The following CNBD1 variants were observed in gnomAD, a reference collection of about 807,000 sequenced individuals.
CNBD1 encodes cyclic nucleotide-binding domain-containing protein 1.
Under a neutral mutation model 54.4 loss-of-function variants are expected in CNBD1, and 71 were observed. The observed-to-expected ratio is 1.30, with a 90% confidence interval of 1.08 to 1.59. The LOEUF (loss-of-function observed/expected upper bound fraction) is 1.59, where lower values mean the gene tolerates loss of function less well. CNBD1 is among the 40% of genes most tolerant of loss of function. CNBD1 has a pLI of 0.00. For missense variants in CNBD1, 659 were observed against 518.0 expected (o/e 1.27, Z -2.64); for synonymous variants, 182 against 170.7 (o/e 1.07, Z -0.51).
intron 4 of CNBD1, among the ~76,000 whole-genome samples, chr8:87,145,664 C>T (rs188427192): frequency 1.3e-5 from 2 of 152,142 alleles, no homozygotes; most frequent in East Asian, 3.9e-4. Context: ...AATCCTTTTA[C>T]TATTTGTGAG....
At chr8:86,892,970 G>A (rs1346110167) in intron 2 of CNBD1, among the ~76,000 whole-genome samples, 1 of 152,112 alleles carries the variant, frequency 6.6e-6, no homozygotes, top group Non-Finnish European at 1.5e-5. Flanking sequence ...GAAAGGAAAG[G>A]GAGGAGAGCT....
chr8:87,351,155 G>C (rs1810282341), intron 8 of CNBD1, among the ~76,000 whole-genome samples: 1 of 152,152 alleles, frequency 6.6e-6, no homozygotes, highest in Non-Finnish European at 1.5e-5. Context: ...ATTTATCTAA[G>C]GTGACATAGG....
intron 2 of CNBD1, among the ~76,000 whole-genome samples, chr8:87,421,566 A>T (rs1356056652): frequency 6.6e-6 from 1 of 151,576 alleles, no homozygotes; most frequent in Admixed American, 6.6e-5. Flanking sequence ...GAGAATGATG[A>T]TTTCCGATTT....
At chr8:86,950,604 C>A (rs1195828059) in intron 4 of CNBD1, among the ~76,000 whole-genome samples, 5 of 151,906 alleles carry the variant, frequency 3.3e-5, no homozygotes, top group Non-Finnish European at 7.4e-5. Flanking sequence ...CCTGTAGTTT[C>A]TTTTTTTAAT....
intron 3 of CNBD1, among the ~76,000 whole-genome samples, chr8:86,935,994 C>T (rs1809540795): frequency 6.6e-6 from 1 of 151,966 alleles, no homozygotes; most frequent in Non-Finnish European, 1.5e-5. Context: ...AAAAAATTAG[C>T]TGGGCATTGG....
At chr8:87,316,650 C>T (rs540486078) in intron 8 of CNBD1, among the ~76,000 whole-genome samples, 9 of 151,744 alleles carry the variant, frequency 5.9e-5, no homozygotes, top group African/African-American at 2.2e-4. Flanking sequence ...AACAAGTGGC[C>T]ATCAAGGCAC....
chr8:87,422,800 A>T (rs1807964732), intron 2 of CNBD1, among the ~76,000 whole-genome samples: 1 of 152,072 alleles, frequency 6.6e-6, no homozygotes, highest in Non-Finnish European at 1.5e-5. Flanking sequence ...GTTTTTCCCA[A>T]TTCTGTGAAG....
intron 8 of CNBD1, among the ~76,000 whole-genome samples, chr8:87,304,906 T>A (rs7823091): frequency 0.38 from 57,867 of 151,810 alleles, 11,304 homozygotes; most frequent in Middle Eastern, 0.45. Context: ...TGGAAATCCT[T>A]ATCAGAGCAA....
chr8:86,894,252 G>A (rs1247978065), intron 2 of CNBD1, among the ~76,000 whole-genome samples: 3 of 149,894 alleles, frequency 2.0e-5, no homozygotes, highest in Admixed American at 6.7e-5. Context: ...TAGTAGAGAC[G>A]GGGTTTCACC....
intron 8 of CNBD1, among the ~76,000 whole-genome samples, chr8:87,313,781 C>T (rs1809323538): frequency 6.6e-6 from 1 of 151,622 alleles, no homozygotes; most frequent in East Asian, 1.9e-4. Flanking sequence ...AGATTAAATG[C>T]TTATATGCAT....
intron 4 of CNBD1, among the ~76,000 whole-genome samples, chr8:86,955,746 G>A (rs1047500144): frequency 6.6e-6 from 1 of 152,188 alleles, no homozygotes; most frequent in Admixed American, 6.5e-5. Flanking sequence ...TGTCAGATGG[G>A]TAGTTTGTAA....
chr8:87,190,887 G>GATATATGTACATGTACC (rs1563501596), intron 4 of CNBD1, among the ~76,000 whole-genome samples: 1 of 124,902 alleles, frequency 8.0e-6, no homozygotes, highest in Non-Finnish European at 1.7e-5. Flanking sequence ...ATACATGTAC[G>GATATATGTACATGTACC]TATATCTATT....
At chr8:87,139,052 C>A (rs995971134) in intron 4 of CNBD1, among the ~76,000 whole-genome samples, 1 of 152,116 alleles carries the variant, frequency 6.6e-6, no homozygotes, top group South Asian at 2.1e-4. Flanking sequence ...CCTCTTTTGT[C>A]GTAATTTTTC....
chr8:87,137,127 A>ATATAAATTATATATATATTTTTATTC (rs1563482949), intron 4 of CNBD1, among the ~76,000 whole-genome samples: 1 of 122,322 alleles, frequency 8.2e-6, no homozygotes, highest in African/African-American at 3.6e-5. Flanking sequence ...TATTTTTATT[A>ATATAAATTATATATATATTTTTATTC]TATATAAATT....
At chr8:87,231,808 A>T (rs560694212) in intron 5 of CNBD1, among the ~76,000 whole-genome samples, 2 of 152,252 alleles carry the variant, frequency 1.3e-5, no homozygotes, top group Admixed American at 6.5e-5. Flanking sequence ...GCATATGTAT[A>T]CCTTAAATGT....
At chr8:87,408,305 T>C (rs2130982644) in intron 2 of CNBD1, among the ~76,000 whole-genome samples, 1 of 152,188 alleles carries the variant, frequency 6.6e-6, no homozygotes, top group African/African-American at 2.4e-5. Context: ...AAACTGAGCA[T>C]TTTCTCCTGT....
At chr8:87,265,583 C>T (rs1808237621) in intron 6 of CNBD1, among the ~76,000 whole-genome samples, 2 of 152,054 alleles carry the variant, frequency 1.3e-5, no homozygotes, top group South Asian at 4.1e-4. Context: ...TAGGAATTAT[C>T]TGGGGACTTG....
intron 2 of CNBD1, among the ~76,000 whole-genome samples, chr8:87,418,365 T>C (rs1655050756): frequency 6.6e-6 from 1 of 151,822 alleles, no homozygotes; most frequent in Non-Finnish European, 1.5e-5. Flanking sequence ...AAAAATTAAA[T>C]AAAATGCATC....
chr8:87,280,483 TG>T (rs1808578651), intron 6 of CNBD1, among the ~76,000 whole-genome samples: 1 of 151,506 alleles, frequency 6.6e-6, no homozygotes, highest in Admixed American at 6.6e-5. Context: ...TTTGTGTTTT[TG>T]TTGGTCCATT....
Sources: allele counts gnomAD v4.1 joint callset (sites outside exome capture counted in the v4.1 genomes callset), GRCh38; gene constraint gnomAD v4.1.1; transcripts MANE v1.5; gene names NCBI Gene and HGNC (gene_info 2026-07-23, HGNC 2026-07-21).